Variants in SLC11A2 observed in about 807,000 individuals in gnomAD.
SLC11A2 encodes the protein natural resistance-associated macrophage protein 2.
Under a neutral mutation model 68.0 loss-of-function variants are expected in SLC11A2, and 38 were observed. The observed-to-expected ratio is 0.56, with a 90% CI of 0.43 to 0.73. The LOEUF is 0.73. SLC11A2 is among the 30% of genes least tolerant of loss of function. The probability of loss-of-function intolerance (pLI) is 0.00; values close to 1 mark genes in which losing one functional copy is unlikely to be tolerated. For missense variants in SLC11A2, 517 were observed against 690.5 expected, an observed-to-expected ratio of 0.75 and a Z score of 2.82; for synonymous variants, 242 against 250.6, an observed-to-expected ratio of 0.97 and a Z score of 0.32.
At chr12:50,960,873 T>G in the SLC11A2 span, 3 of 1,034,254 alleles carry the variant, frequency 2.9e-6, no homozygotes, top group South Asian at 2.0e-5. Flanking sequence ...AGAGATGGGG[T>G]CTTGCTATGT....
chr12:50,977,422 C>A (rs1280974250), downstream of SLC11A2, among the ~76,000 whole-genome samples: 3 of 152,180 alleles, frequency 2.0e-5, no homozygotes, highest in Admixed American at 2.0e-4. Flanking sequence ...ACAAATGGTG[C>A]TGGGAAAACT....
intron 11 of SLC11A2, 24 bp from the exon 12 acceptor site, chr12:50,992,953 T>C: frequency 6.2e-7 from 1 of 1,613,586 alleles, no homozygotes; most frequent in South Asian, 1.1e-5. Context: ...AGAGGAAGGA[T>C]ATGATTGTGG....
At chr12:51,013,857 C>T (rs1166918831) in intron 1 of SLC11A2, among the ~76,000 whole-genome samples, 2 of 151,816 alleles carry the variant, frequency 1.3e-5, no homozygotes, top group Non-Finnish European at 1.5e-5. Context: ...AGTCTCACTC[C>T]GTCACTCAGG....
At chr12:50,966,323 A>T in the SLC11A2 span, among the ~76,000 whole-genome samples, 8 of 152,202 alleles carry the variant, frequency 5.3e-5, no homozygotes. Flanking sequence ...AAGCAGGATA[A>T]ATTTACTCTA....
chr12:50,983,243 T>C (rs1173713775), downstream of SLC11A2, among the ~76,000 whole-genome samples: 1 of 152,192 alleles, frequency 6.6e-6, no homozygotes, highest in Non-Finnish European at 1.5e-5. Context: ...TGAAGTTATT[T>C]CTTTTTACTT....
chr12:50,954,582 C>T, the SLC11A2 span, among the ~76,000 whole-genome samples: 1 of 152,068 alleles, frequency 6.6e-6, no homozygotes, highest in Admixed American at 6.6e-5. Flanking sequence ...GCTTCTAGGC[C>T]GGGCACGGTG....
the SLC11A2 span, chr12:50,961,106 A>G: frequency 6.2e-7 from 1 of 1,613,614 alleles, no homozygotes; most frequent in Non-Finnish European, 8.5e-7. Context: ...ACTCTAGGTA[A>G]CCCGCTTAAT....
In SLC11A2 at chr12:51,026,374, A is replaced by T. The variant is rs956914955; in HGVS notation, c.-103T>A. The T allele has an allele frequency of 5.5e-6, 7 of 1,280,422 alleles. No individual in the cohort carries two copies. The highest frequency in any genetic ancestry group is 7.1e-6 in the Non-Finnish European group (7 of 983,238). 79.3% of individuals were successfully genotyped at this position (1,280,422 alleles called of 1,614,324 possible). ...CCCAGGGCTCCATATTCCGGGAGCCAGCGCCACGCTGGCTAACGCCCTCCC... is the reference window on the plus strand; with the variant it reads ...CCCAGGGCTCCATATTCCGGGAGCCTGCGCCACGCTGGCTAACGCCCTCCC... On this transcript the variant is annotated 5_prime_UTR_variant, in exon 1 of 16. Coordinates refer to ENST00000262052, the MANE Select transcript of SLC11A2 (RefSeq NM_000617.3).
intron 1 of SLC11A2, chr12:51,025,878 G>C (rs1244900025): frequency 2.0e-6 from 2 of 988,270 alleles, no homozygotes; most frequent in Non-Finnish European, 2.4e-6. Flanking sequence ...GGAGGCCCCG[G>C]AGAGCAGCCC....
chr12:51,026,536 G>A (rs1944403117), upstream of SLC11A2: 2 of 355,670 alleles, frequency 5.6e-6, no homozygotes, highest in African/African-American at 3.3e-5. Context: ...GGCCCCTGGG[G>A]CACGCGGCGG....
In SLC11A2 at chr12:50,990,921, C is replaced by A. The variant is rs1941084571; in HGVS notation, c.1449G>T (p.Leu483Phe). 6.2e-7 allele frequency: 1 copy of A among 1,613,862 alleles called. No homozygotes were observed. The highest frequency in any genetic ancestry group is 1.1e-5 in the South Asian group (1 of 91,080). ...TATTGATGGAACAGATGATAAGGACCAAGATTCCTCCTGCAATCCGCCAGC... is the reference window on the plus strand; with the variant it reads ...TATTGATGGAACAGATGATAAGGACAAAGATTCCTCCTGCAATCCGCCAGC... ...GLGWRIAGGILVLIICSINMY... is the reference protein window; with the variant it reads ...GLGWRIAGGIFVLIICSINMY... Residue 483 changes from leucine (L) to phenylalanine (F), a missense_variant, in exon 15 of 16, where the codon TTG becomes TTT. Leu to Phe is a conservative substitution (Grantham distance 22). Coordinates refer to ENST00000262052, the MANE Select transcript of SLC11A2 (RefSeq NM_000617.3).
At chr12:50,980,180 C>T (rs1269103740), downstream of SLC11A2, 2 of 336,278 alleles carry the variant, frequency 5.9e-6, no homozygotes, top group African/African-American at 4.3e-5. Context: ...GAGCTGAGAT[C>T]ACACCACTGC....
chr12:51,017,382 G>A (rs183170982), intron 1 of SLC11A2, among the ~76,000 whole-genome samples: 2 of 152,194 alleles, frequency 1.3e-5, no homozygotes, highest in Non-Finnish European at 2.9e-5. Flanking sequence ...CCAATTTGTT[G>A]AGCAGCATGC....
the SLC11A2 span, chr12:50,961,107 C>A: frequency 6.2e-7 from 1 of 1,613,460 alleles, no homozygotes; most frequent in African/African-American, 1.3e-5. Flanking sequence ...CTCTAGGTAA[C>A]CCGCTTAATT....
chr12:50,969,125 T>A, the SLC11A2 span, among the ~76,000 whole-genome samples: 1 of 150,672 alleles, frequency 6.6e-6, no homozygotes, highest in Non-Finnish European at 1.5e-5. Context: ...TGAAACCCCA[T>A]CTCTACTAAA....
the SLC11A2 span, chr12:50,961,003 C>G: frequency 3.1e-6 from 5 of 1,606,932 alleles, no homozygotes; most frequent in Non-Finnish European, 3.4e-6. Context: ...GTCCTGTGGT[C>G]TTTACAAGCT....
Position 50,987,211 on chromosome 12 carries a change from C to T in SLC11A2, c.*1114G>A. On this transcript the variant is annotated 3_prime_UTR_variant, in exon 16 of 16. Coordinates refer to ENST00000262052, the MANE Select transcript of SLC11A2 (RefSeq NM_000617.3). ...GCTGTAGAGAGGTAGCCCAGTTCAA[C>T]TTTGCTGAGACAGTGAACTTTGCAA... The T allele has an allele frequency of 1.6e-5, 20 of 1,287,068 alleles. No homozygotes were observed. The highest frequency in any genetic ancestry group is 2.0e-5 in the Non-Finnish European group (20 of 988,588). 79.7% of individuals were successfully genotyped at this position (1,287,068 alleles called of 1,614,324 possible).
chr12:50,968,239 G>T, the SLC11A2 span, among the ~76,000 whole-genome samples: 2 of 152,164 alleles, frequency 1.3e-5, no homozygotes, highest in African/African-American at 4.8e-5. Flanking sequence ...TAATACTGGG[G>T]ACTGAAGTCA....
the SLC11A2 span, among the ~76,000 whole-genome samples, chr12:50,952,395 A>T: frequency 2.0e-5 from 3 of 152,208 alleles, no homozygotes; most frequent in Non-Finnish European, 4.4e-5. Flanking sequence ...TTAAGTTACA[A>T]GGGAAAAACC....
Sources: gnomAD v4.1 joint callset for allele counts (sites outside exome capture counted in the v4.1 genomes callset) on GRCh38, gnomAD v4.1.1 for gene constraint, MANE v1.5 for transcripts, NCBI Gene and HGNC (gene_info 2026-07-23, HGNC 2026-07-21) for gene names.